ZNF385D: variants seen among roughly 807,000 people sequenced by gnomAD.
The protein encoded by ZNF385D is zinc finger protein 385D, also known as zinc finger protein 659.
ZNF385D carries 15 observed loss-of-function variants against 35.8 expected under a neutral mutation model. That is an observed-to-expected ratio of 0.42 (90% confidence interval 0.28 to 0.64). The LOEUF (loss-of-function observed/expected upper bound fraction) is 0.64, where lower values mean the gene tolerates loss of function less well. Ranked by LOEUF, ZNF385D falls within the 30% of genes least tolerant of loss-of-function variation. The pLI, the probability that ZNF385D is intolerant of heterozygous loss-of-function variation, is 0.23. For synonymous variants in ZNF385D, 212 were observed against 186.8 expected (o/e 1.13, Z -1.10); for missense variants, 474 against 494.6 (o/e 0.96, Z 0.39).
chr3:21,915,067 T>TA (rs1240045338), intron 3 of ZNF385D, among the ~76,000 whole-genome samples: 98 of 24,178 alleles, frequency 4.1e-3, no homozygotes, highest in Non-Finnish European at 0.027. Context: ...TGAGTAGAAA[T>TA]AGAAAAAAAA....
At chr3:22,026,529 C>A (rs779194159) in intron 3 of ZNF385D, among the ~76,000 whole-genome samples, 16 of 152,274 alleles carry the variant, frequency 1.1e-4, no homozygotes, top group African/African-American at 3.9e-4. Context: ...GGAAGTCAGA[C>A]AATTAATGGA....
chr3:21,515,749 C>T (rs1403736909), intron 3 of ZNF385D, among the ~76,000 whole-genome samples: 2 of 152,124 alleles, frequency 1.3e-5, no homozygotes, highest in Non-Finnish European at 2.9e-5. Context: ...AAATTGATCC[C>T]CACCTTGTTC....
At chr3:22,278,476 A>G (rs1465504003) in intron 2 of ZNF385D, among the ~76,000 whole-genome samples, 1 of 152,078 alleles carries the variant, frequency 6.6e-6, no homozygotes, top group African/African-American at 2.4e-5. Context: ...TTTTCTGTCC[A>G]TGAATTATCT....
chr3:21,842,111 C>T (rs1695720551), intron 3 of ZNF385D, among the ~76,000 whole-genome samples: 2 of 151,784 alleles, frequency 1.3e-5, no homozygotes, highest in Non-Finnish European at 1.5e-5. Context: ...TTTAAAGCTG[C>T]TTTCTCTTTC....
At chr3:22,228,983 T>C (rs1041856838) in intron 2 of ZNF385D, among the ~76,000 whole-genome samples, 6 of 152,246 alleles carry the variant, frequency 3.9e-5, no homozygotes, top group Non-Finnish European at 7.3e-5. Context: ...CTTTGTACTT[T>C]TGAAGTTTTA....
chr3:21,891,650 G>A (rs1698873566), intron 3 of ZNF385D, among the ~76,000 whole-genome samples: 1 of 152,152 alleles, frequency 6.6e-6, no homozygotes, highest in South Asian at 2.1e-4. Context: ...TCACAGCAGT[G>A]GAAAATGTCC....
chr3:21,423,951 A>C lies in ZNF385D; in HGVS notation c.954+12T>G. 6.2e-7 allele frequency: 1 copy of C among 1,604,498 alleles called. No individual in the cohort carries two copies. Among genetic ancestry groups the C allele is most frequent in the Non-Finnish European group, 8.5e-7 (1 of 1,176,630 alleles). The stretch of plus-strand genomic sequence containing the variant: ...GGGAATAGAGGCTGGACTCTTGCAA[A>C]ATGACACTCACCCCCAGTGGATGTG... On this transcript the variant is annotated intron_variant, in intron 7 of 7. Transcript: ENST00000281523.
At chr3:22,038,427 G>A (rs1698466986) in intron 3 of ZNF385D, among the ~76,000 whole-genome samples, 1 of 152,092 alleles carries the variant, frequency 6.6e-6, no homozygotes, top group Admixed American at 6.6e-5. Context: ...AGTAGCACCT[G>A]TTTCACAGAG....
At chr3:22,273,687 A>G (rs1701288010) in intron 2 of ZNF385D, among the ~76,000 whole-genome samples, 1 of 152,074 alleles carries the variant, frequency 6.6e-6, no homozygotes, top group Non-Finnish European at 1.5e-5. Flanking sequence ...TGAGAGAACG[A>G]GACAGATGTT....
chr3:21,510,585 G>A (rs1559360528), intron 4 of ZNF385D, among the ~76,000 whole-genome samples: 1 of 152,234 alleles, frequency 6.6e-6, no homozygotes, highest in East Asian at 1.9e-4. Context: ...CTCAAAAAGA[G>A]TTATGGGGTA....
At position 22,180,994 on chromosome 3, in the gene ZNF385D, T is replaced by C. The variant is rs565034695; in HGVS notation, c.107-11959A>G. Among the ~76,000 whole-genome samples, 5 of 150,908 alleles carry C rather than the reference T, an allele frequency of 3.3e-5. No individual in the cohort carries two copies. In the South Asian group the frequency reaches 1.0e-3, roughly 32 times the overall value. On this transcript the variant is annotated intron_variant, in intron 2 of 5. Coordinates refer to the ZNF385D transcript ENST00000494108. ...GCTTAAAGTCTCAGGTTTTCTTTCT[T>C]TTCTCATTGATTCTGTCTTCTTAAA...
intron 2 of ZNF385D, among the ~76,000 whole-genome samples, chr3:22,363,836 G>A (rs1248086261): frequency 1.3e-5 from 2 of 151,960 alleles, no homozygotes; most frequent in Non-Finnish European, 1.5e-5. Flanking sequence ...ACAGAGTACT[G>A]CATAGATCAC....
chr3:21,988,011 C>T (rs1559823190), intron 3 of ZNF385D, among the ~76,000 whole-genome samples: 2 of 145,540 alleles, frequency 1.4e-5, no homozygotes, highest in Non-Finnish European at 3.1e-5. Flanking sequence ...CCTTGGTTTT[C>T]AGCTCCATCA....
At chr3:22,057,822 T>C (rs1699485441) in intron 3 of ZNF385D, among the ~76,000 whole-genome samples, 1 of 152,154 alleles carries the variant, frequency 6.6e-6, no homozygotes, top group African/African-American at 2.4e-5. Flanking sequence ...CCTCACGTTT[T>C]TAAAACCCAA....
chr3:21,485,842 T>A (rs996318152), intron 4 of ZNF385D, among the ~76,000 whole-genome samples: 8 of 152,050 alleles, frequency 5.3e-5, no homozygotes, highest in Non-Finnish European at 1.0e-4. Context: ...ATTAGAAACC[T>A]AATGTCTGAG....
At chr3:22,127,956 T>C (rs1246976297) in intron 3 of ZNF385D, among the ~76,000 whole-genome samples, 1 of 152,200 alleles carries the variant, frequency 6.6e-6, no homozygotes, top group Non-Finnish European at 1.5e-5. Flanking sequence ...TATCTGTCTG[T>C]GTACTTAATA....
chr3:21,546,448 G>A (rs2062373856), intron 3 of ZNF385D, among the ~76,000 whole-genome samples: 1 of 152,114 alleles, frequency 6.6e-6, no homozygotes, highest in Non-Finnish European at 1.5e-5. Flanking sequence ...ATAGCCAGCA[G>A]TTAGATGGGT....
intron 3 of ZNF385D, among the ~76,000 whole-genome samples, chr3:22,104,637 G>A (rs1294659624): frequency 6.6e-6 from 1 of 151,084 alleles, no homozygotes; most frequent in Non-Finnish European, 1.5e-5. Flanking sequence ...ACGACAACAG[G>A]CAACAGTGGC....
At chr3:22,086,476 G>T (rs1417488505) in intron 3 of ZNF385D, among the ~76,000 whole-genome samples, 1 of 152,056 alleles carries the variant, frequency 6.6e-6, no homozygotes, top group Admixed American at 6.6e-5. Context: ...AAAATACCTA[G>T]GAATCCAACT....
Sources: allele counts gnomAD v4.1 joint callset (sites outside exome capture counted in the v4.1 genomes callset), GRCh38; gene constraint gnomAD v4.1.1; transcripts MANE v1.5; gene names NCBI Gene and HGNC (gene_info 2026-07-23, HGNC 2026-07-21).